CA10: variants seen among roughly 807,000 people sequenced by gnomAD.
CA10 encodes carbonic anhydrase-related protein 10.
A neutral mutation model predicts 44.2 loss-of-function variants in CA10; 14 were observed. The observed-to-expected ratio is 0.32, with a 90% CI of 0.21 to 0.50. The LOEUF (loss-of-function observed/expected upper bound fraction) is 0.50. Among genes scored for constraint, CA10 ranks in the 20% least tolerant of loss-of-function variants. The probability of loss-of-function intolerance (pLI) is 0.99; values close to 1 mark genes in which losing one functional copy is unlikely to be tolerated. For missense variants in CA10, 350 were observed against 409.7 expected (o/e 0.85, Z 1.26); for synonymous variants, 159 against 141.6 (o/e 1.12, Z -0.87).
At chr17:51,746,100 AC>A (rs1904678064) in intron 4 of CA10, among the ~76,000 whole-genome samples, 2 of 151,964 alleles carry the variant, frequency 1.3e-5, no homozygotes, top group African/African-American at 4.8e-5. Flanking sequence ...TTTTTTCCCT[AC>A]AGATCCAGGA....
At chr17:51,732,433 G>A (rs547398816) in intron 4 of CA10, among the ~76,000 whole-genome samples, 4 of 152,268 alleles carry the variant, frequency 2.6e-5, no homozygotes, top group Admixed American at 6.5e-5. Flanking sequence ...TTCAAGATCC[G>A]GCTTATGTCA....
chr17:51,757,639 T>G (rs1905112121), intron 3 of CA10, among the ~76,000 whole-genome samples: 1 of 152,252 alleles, frequency 6.6e-6, no homozygotes, highest in Non-Finnish European at 1.5e-5. Flanking sequence ...ATAATAAGTG[T>G]GTGTATACAC....
chr17:51,654,531 G>GT lies in CA10; in HGVS notation c.466-796dup, dbSNP rs561921306. ...ATCTCAGGGCTGTGATTTTAAAACAGTTTTTTCTTAACAGTATGGAAGCCT... is the reference window on the plus strand; with the variant it reads ...ATCTCAGGGCTGTGATTTTAAAACAGTTTTTTTCTTAACAGTATGGAAGCCT... On this transcript the variant is annotated intron_variant, in intron 4 of 8. Coordinates refer to ENST00000451037, the MANE Select transcript of CA10 (RefSeq NM_020178.5). Among the ~76,000 whole-genome samples, 219 of 150,654 alleles carry GT rather than the reference G, an allele frequency of 1.5e-3. 2 individuals carry two copies. Among genetic ancestry groups the GT allele is most frequent in the African/African-American group, 5.2e-3 (214 of 41,124 alleles).
intron 1 of CA10, among the ~76,000 whole-genome samples, chr17:52,141,870 G>C (rs1350216237): frequency 6.6e-6 from 1 of 152,196 alleles, no homozygotes; most frequent in Non-Finnish European, 1.5e-5. Flanking sequence ...TGTTGCATTA[G>C]GAGTAGGATG....
chr17:52,029,353 A>C (rs916198330), intron 2 of CA10, among the ~76,000 whole-genome samples: 1 of 152,172 alleles, frequency 6.6e-6, no homozygotes, highest in Non-Finnish European at 1.5e-5. Context: ...AAGCCCAATC[A>C]TATTCCCACA....
Position 51,789,285 on chromosome 17 carries a change from G to A in CA10, c.280-41467C>T, listed in dbSNP as rs896391635. On this transcript the variant is annotated intron_variant, in intron 3 of 8. Coordinates refer to ENST00000451037, the MANE Select transcript of CA10 (RefSeq NM_020178.5). ...CCCACGCTGGCCTCCCACAGTGCTG[G>A]GATTACAGGCGTGAGCCACCGTGCC... Among the ~76,000 whole-genome samples the A allele has an allele frequency of 2.8e-3, 425 of 152,230 alleles. 1 individual carries two copies. The highest frequency in any genetic ancestry group is 5.0e-3 in the Non-Finnish European group (340 of 68,000).
At chr17:52,042,445 T>A (rs1202000496) in intron 2 of CA10, among the ~76,000 whole-genome samples, 1 of 152,048 alleles carries the variant, frequency 6.6e-6, no homozygotes, top group Non-Finnish European at 1.5e-5. Context: ...TAGGGGTTTT[T>A]TTGTTTGGGT....
chr17:52,065,975 C>T (rs1160495389), intron 2 of CA10, among the ~76,000 whole-genome samples: 3 of 152,192 alleles, frequency 2.0e-5, no homozygotes, highest in Admixed American at 2.0e-4. Flanking sequence ...CTTCACTCAG[C>T]TCTTCTCCTT....
At chr17:51,729,249 A>G (rs879634385) in intron 4 of CA10, among the ~76,000 whole-genome samples, 1 of 152,118 alleles carries the variant, frequency 6.6e-6, no homozygotes, top group Non-Finnish European at 1.5e-5. Flanking sequence ...CTCCTTATGG[A>G]GAAACTGTTC....
chr17:51,789,188 G>A (rs1278028960), intron 3 of CA10, among the ~76,000 whole-genome samples: 1 of 152,022 alleles, frequency 6.6e-6, no homozygotes, highest in African/African-American at 2.4e-5. Context: ...GCTAATTTTT[G>A]TACTTTTAGT....
chr17:51,781,360 T>C (rs1906051517), intron 3 of CA10, among the ~76,000 whole-genome samples: 1 of 152,218 alleles, frequency 6.6e-6, no homozygotes, highest in Admixed American at 6.5e-5. Context: ...ATAATTGGGA[T>C]GCATTTGAAG....
In CA10 at chr17:51,829,672, A is replaced by C. The variant is rs181753262; in HGVS notation, c.280-81854T>G. On this transcript the variant is annotated intron_variant, in intron 3 of 8. Coordinates refer to ENST00000451037, the MANE Select transcript of CA10 (RefSeq NM_020178.5). ...CCTTCTTTAGCATAGCAGCATTTTA[A>C]TTCTCATACAGTCCAGTGAGGTGCT... Among the ~76,000 whole-genome samples, 369 of 152,182 alleles carry C rather than the reference A, an allele frequency of 2.4e-3. 3 individuals are homozygous for C. The highest frequency in any genetic ancestry group is 8.1e-3 in the African/African-American group (335 of 41,524).
intron 4 of CA10, among the ~76,000 whole-genome samples, chr17:51,718,163 C>T (rs1916232595): frequency 6.7e-6 from 1 of 150,154 alleles, no homozygotes; most frequent in South Asian, 2.1e-4. Flanking sequence ...CAAATCACCA[C>T]TAAGGAACTT....
intron 4 of CA10, among the ~76,000 whole-genome samples, chr17:51,670,900 T>C (rs1914392047): frequency 6.6e-6 from 1 of 152,200 alleles, no homozygotes; most frequent in South Asian, 2.1e-4. Flanking sequence ...AGCTTGTGTC[T>C]GATGCCAAAA....
intron 2 of CA10, among the ~76,000 whole-genome samples, chr17:51,933,591 G>T (rs1982747409): frequency 6.6e-6 from 1 of 152,078 alleles, no homozygotes; most frequent in South Asian, 2.1e-4. Flanking sequence ...GCTGTTTTAA[G>T]CCATGCAGTT....
chr17:51,852,732 T>C (rs1169327270), intron 3 of CA10, among the ~76,000 whole-genome samples: 1 of 152,204 alleles, frequency 6.6e-6, no homozygotes, highest in Non-Finnish European at 1.5e-5. Flanking sequence ...TTCTACCACA[T>C]GGTAAAATGA....
intron 2 of CA10, among the ~76,000 whole-genome samples, chr17:51,939,447 G>T (rs1982992799): frequency 6.6e-6 from 1 of 152,048 alleles, no homozygotes; most frequent in Non-Finnish European, 1.5e-5. Flanking sequence ...GTTCAGTCAA[G>T]GTAGGCACAT....
At chr17:51,773,668 G>T (rs1226517523) in intron 3 of CA10, among the ~76,000 whole-genome samples, 1 of 152,184 alleles carries the variant, frequency 6.6e-6, no homozygotes, top group African/African-American at 2.4e-5. Context: ...CCTTCCTCAG[G>T]GTGCCATGTC....
At chr17:51,778,624 G>T (rs1158213) in intron 3 of CA10, among the ~76,000 whole-genome samples, 1 of 152,042 alleles carries the variant, frequency 6.6e-6, no homozygotes, top group Admixed American at 6.5e-5. Context: ...ACACCTTTAC[G>T]CAGAGGAAAT....
Sources: gnomAD v4.1 joint callset for allele counts (sites outside exome capture counted in the v4.1 genomes callset) on GRCh38, gnomAD v4.1.1 for gene constraint, MANE v1.5 for transcripts, NCBI Gene and HGNC (gene_info 2026-07-23, HGNC 2026-07-21) for gene names.